The following PHLDB1 variants were observed in gnomAD, a reference collection of about 807,000 sequenced individuals.
PHLDB1 encodes the protein pleckstrin homology-like domain family B member 1.
In PHLDB1, 65 loss-of-function variants were observed where a neutral mutation model predicts 139.3. The ratio of observed to expected loss-of-function variants is 0.47; its 90% CI spans 0.38 to 0.57. The LOEUF is 0.57. Ranked by LOEUF, PHLDB1 falls within the 20% of genes least tolerant of loss-of-function variation. The pLI, the probability that PHLDB1 is intolerant of heterozygous loss-of-function variation, is 0.00. For synonymous variants in PHLDB1, 679 were observed against 734.5 expected (o/e 0.92, Z 1.22); for missense variants, 1,624 against 1,839.7 (o/e 0.88, Z 2.14).
intron 15 of PHLDB1, chr11:118,644,899 G>A (rs1287670549): frequency 1.5e-5 from 4 of 268,472 alleles, no homozygotes; most frequent in East Asian, 1.3e-4. Flanking sequence ...TCTTTCTTGC[G>A]TTTGTTGCTT....
At position 118,620,927 on chromosome 11, in the gene PHLDB1, C is replaced by T. The variant is rs941351800; in HGVS notation, c.356-4007C>T. The stretch of plus-strand genomic sequence containing the variant: ...TAGAGCCCCTGCTCTTTTCCTCTCC[C>T]TCTCTCTCTCAGATATGGACCCATG... On this transcript the variant is annotated intron_variant, in intron 4 of 22. Transcript: ENST00000600882. The surrounding 1 kb of genome is among the most constrained non-coding windows in gnomAD (Gnocchi z 4.1). Among the ~76,000 whole-genome samples the T allele has an allele frequency of 4.6e-5, 7 of 152,150 alleles. No individual in the cohort carries two copies. Among genetic ancestry groups the T allele is most frequent in the African/African-American group, 1.4e-4 (6 of 41,500 alleles).
At position 118,650,741 on chromosome 11, in the gene PHLDB1, C is replaced by A; in HGVS notation, c.3874+194C>A. On this transcript the variant is annotated intron_variant, in intron 20 of 22. Coordinates refer to ENST00000600882, the MANE Select transcript of PHLDB1 (RefSeq NM_001144758.3). The surrounding 1 kb of genome is among the most constrained non-coding windows in gnomAD (Gnocchi z 4.7). Reference sequence around the variant, plus strand: ...CCATTTTTGTGTTCATTCATTCATTCCTTCATTCAGCAATGTTACTAAGCA... The same window carrying A: ...CCATTTTTGTGTTCATTCATTCATTACTTCATTCAGCAATGTTACTAAGCA... 1.7e-6 allele frequency: 1 copy of A among 594,850 alleles called. No homozygotes were observed. The highest frequency in any genetic ancestry group is 3.0e-6 in the Non-Finnish European group (1 of 333,442). The allele number at this position is 594,850 out of a possible 1,614,324, so 36.8% of individuals were successfully genotyped here.
chr11:118,616,055 G>A lies in PHLDB1; in HGVS notation c.199G>A (p.Gly67Ser), dbSNP rs1555088970. ...CTTGTCTCCAGGGAGGACGGTGATT[G>A]GCTCTGCAGCCAGAGACATCTCACT... ...LPLEEGRTVI[G>S]SAARDISLQG... The change falls in exon 4 of 23, where the codon GGC becomes AGC. Residue 67 changes from glycine (G) to serine (S), a missense_variant. Gly to Ser is a moderately conservative substitution (Grantham distance 56, BLOSUM62 0). Coordinates refer to ENST00000600882, the MANE Select transcript of PHLDB1 (RefSeq NM_001144758.3). 6.2e-7 allele frequency: 1 copy of A among 1,613,178 alleles called. No individual in the cohort carries two copies. Among genetic ancestry groups the A allele is most frequent in the South Asian group, 1.1e-5 (1 of 90,992 alleles).
intron 2 of PHLDB1, 21 bp from the exon 3 acceptor site, chr11:118,614,538 C>A: frequency 6.2e-7 from 1 of 1,612,968 alleles, no homozygotes; most frequent in South Asian, 1.1e-5. Flanking sequence ...GATGCTTGTC[C>A]TCCACCCGTA....
chr11:118,631,862 G>A, intron 7 of PHLDB1, 51 bp from the exon 8 acceptor site: 2 of 1,544,948 alleles, frequency 1.3e-6, no homozygotes, highest in Non-Finnish European at 1.7e-6. Context: ...TTCTTAGTCT[G>A]ATTCCAAAAG....
intron 4 of PHLDB1, chr11:118,624,557 G>T (rs140171846): frequency 8.6e-5 from 21 of 245,286 alleles, no homozygotes; most frequent in Non-Finnish European, 1.5e-4. Context: ...AGTCCTGCCT[G>T]CCCTTCCAAG....
chr11:118,636,825 C>T (rs1945736319), intron 10 of PHLDB1: 2 of 152,174 alleles, frequency 1.3e-5, no homozygotes, highest in African/African-American at 4.8e-5. Context: ...TGTAGATCAG[C>T]TAATCTCATC....
intron 10 of PHLDB1, among the ~76,000 whole-genome samples, chr11:118,636,222 T>G (rs1945621489): frequency 6.6e-6 from 1 of 152,198 alleles, no homozygotes; most frequent in Non-Finnish European, 1.5e-5. Flanking sequence ...CTCAAGCAGC[T>G]TCCACCCTTA....
intron 1 of PHLDB1, 84 bp from the exon 2 acceptor site, chr11:118,613,732 C>T: frequency 1.3e-6 from 1 of 785,622 alleles, no homozygotes; most frequent in Admixed American, 2.2e-5. Flanking sequence ...GACACCTCTG[C>T]CCTGAGAACC....
At chr11:118,607,966 C>T (rs45578540) in intron 1 of PHLDB1, among the ~76,000 whole-genome samples, 4,396 of 152,134 alleles carry the variant, frequency 0.029, 80 homozygotes, top group Non-Finnish European at 0.043. Context: ...TGACGCTCTC[C>T]CCCCCTTGGA....
chr11:118,645,198 C>T lies in PHLDB1; in HGVS notation c.3122-158C>T, dbSNP rs1186808023. ...CTGAAGCATTGGCAGAGCAGCCAGG[C>T]CTGGAGCTGCAGGGGCCTTAGGGAA... On this transcript the variant is annotated intron_variant, in intron 15 of 22. Coordinates refer to ENST00000600882, the MANE Select transcript of PHLDB1 (RefSeq NM_001144758.3). The surrounding 1 kb of genome is among the most constrained non-coding windows in gnomAD (Gnocchi z 5.1). 1.9e-6 allele frequency: 1 copy of T among 525,404 alleles called. No homozygotes were observed. Among genetic ancestry groups the T allele is most frequent in the Non-Finnish European group, 3.3e-6 (1 of 305,474 alleles). The allele number at this position is 525,404 out of a possible 1,614,324, so 32.5% of individuals were successfully genotyped here.
rs1591507769 is a variant in PHLDB1, at chr11:118,620,735, T to C, written c.356-4199T>C. Among the ~76,000 whole-genome samples the C allele has an allele frequency of 6.6e-6, 1 of 152,196 alleles. No homozygotes were observed. Among genetic ancestry groups the C allele is most frequent in the East Asian group, 1.9e-4 (1 of 5,180 alleles). On this transcript the variant is annotated intron_variant, in intron 4 of 22. Transcript: ENST00000600882. The surrounding 1 kb of genome is among the most constrained non-coding windows in gnomAD (Gnocchi z 4.1). ...CCACTCTGGGTCATGAGTTGAGCTA[T>C]GGGGAGTGGGGCCGGAAGAGGAGGT...
chr11:118,622,642 C>A (rs1943061593), intron 4 of PHLDB1, among the ~76,000 whole-genome samples: 1 of 152,130 alleles, frequency 6.6e-6, no homozygotes, highest in African/African-American at 2.4e-5. Flanking sequence ...TCCTTCCCAG[C>A]CTGGACTGTG....
intron 4 of PHLDB1, among the ~76,000 whole-genome samples, chr11:118,623,481 C>T (rs79662635): frequency 1.4e-3 from 215 of 152,208 alleles, no homozygotes; most frequent in Middle Eastern, 6.8e-3. Context: ...TCACACTTCC[C>T]GGGCAGGACT....
intron 15 of PHLDB1, 198 bp downstream of exon 15, chr11:118,644,372 G>A (rs995041814): frequency 4.2e-4 from 244 of 584,682 alleles, no homozygotes; most frequent in Non-Finnish European, 4.9e-4. Flanking sequence ...AGGAGACTAA[G>A]GGCTTAGGGG....
In PHLDB1 at chr11:118,614,570, G is replaced by A. The variant is rs1439918246; in HGVS notation, c.72G>A (p.Leu24=). ...QTQTMVQKGP[L]DLIETGKGLK... ...CGTACTACCTACAGAAAGGACCCTT[G>A]GACCTGATCGAGACAGGCAAAGGGC... The change falls in exon 3 of 23, where the codon TTG becomes TTA. Residue 24 remains leucine (L), a synonymous_variant. Coordinates refer to ENST00000600882, the MANE Select transcript of PHLDB1 (RefSeq NM_001144758.3). 5 of 1,613,876 alleles carry A rather than the reference G, an allele frequency of 3.1e-6. No individual in the cohort carries two copies. Among genetic ancestry groups the A allele is most frequent in the South Asian group, 2.2e-5 (2 of 91,078 alleles).
intron 13 of PHLDB1, among the ~76,000 whole-genome samples, chr11:118,643,078 C>T (rs1279390451): frequency 6.6e-6 from 1 of 152,220 alleles, no homozygotes; most frequent in African/African-American, 2.4e-5. Flanking sequence ...AAGACTGTGA[C>T]CTCAGCTAAA....
chr11:118,650,609 C>T lies in PHLDB1; in HGVS notation c.3874+62C>T, dbSNP rs1311449359. The T allele has an allele frequency of 4.2e-5, 50 of 1,177,786 alleles. No homozygotes were observed. The highest frequency in any genetic ancestry group is 2.2e-4 in the Middle Eastern group (1 of 4,462). The allele number at this position is 1,177,786 out of a possible 1,614,324, so 73.0% of individuals were successfully genotyped here. On this transcript the variant is annotated intron_variant, in intron 20 of 22. Coordinates refer to ENST00000600882, the MANE Select transcript of PHLDB1 (RefSeq NM_001144758.3). This position sits in a 1 kb window ranked among gnomAD's most constrained non-coding sequence, Gnocchi z 4.7. ...GATCCCTGGGCTCTGTTACCCAGGA[C>T]GGCTGGTCTTCTAGAAGGAGGCCAA...
intron 6 of PHLDB1, 58 bp downstream of exon 6, chr11:118,628,708 G>T: frequency 6.6e-7 from 1 of 1,512,758 alleles, no homozygotes; most frequent in South Asian, 1.2e-5. Flanking sequence ...GCCAGGGCTC[G>T]AGCAGGCCAG....
Sources: gnomAD v4.1 joint callset for allele counts (sites outside exome capture counted in the v4.1 genomes callset) on GRCh38, gnomAD v4.1.1 for gene constraint, Gnocchi (gnomAD v3.1) non-coding constraint, MANE v1.5 for transcripts, NCBI Gene and HGNC (gene_info 2026-07-23, HGNC 2026-07-21) for gene names.